NRG3: variants seen among roughly 807,000 people sequenced by gnomAD.
NRG3 encodes the protein pro-neuregulin-3, membrane-bound isoform.
In NRG3, 31 loss-of-function variants were observed where a neutral mutation model predicts 66.9. That is an observed-to-expected ratio of 0.46 (90% CI 0.35 to 0.63). The LOEUF is 0.63. Ranked by LOEUF, NRG3 falls within the 20% of genes least tolerant of loss-of-function variation. NRG3 has a pLI of 0.00. For missense variants in NRG3, 910 were observed against 878.9 expected (o/e 1.04, Z -0.45); for synonymous variants, 393 against 359.4 (o/e 1.09, Z -1.06).
chr10:82,722,371 C>T (rs1045173264), intron 2 of NRG3, among the ~76,000 whole-genome samples: 9 of 151,956 alleles, frequency 5.9e-5, no homozygotes, highest in South Asian at 2.1e-4. Flanking sequence ...TAATATTGAG[C>T]GATTCTTGGT....
chr10:82,664,427 T>C (rs2133985339), intron 2 of NRG3, among the ~76,000 whole-genome samples: 1 of 152,324 alleles, frequency 6.6e-6, no homozygotes, highest in African/African-American at 2.4e-5. Flanking sequence ...AACAATTTGC[T>C]AATGAAGATT....
At chr10:82,687,306 G>A (rs973846257) in intron 2 of NRG3, among the ~76,000 whole-genome samples, 1 of 151,952 alleles carries the variant, frequency 6.6e-6, no homozygotes, top group Non-Finnish European at 1.5e-5. Context: ...GAGTTCATAC[G>A]GCTGCTCCTA....
chr10:82,013,649 A>G (rs768098890), intron 1 of NRG3, among the ~76,000 whole-genome samples: 65 of 152,282 alleles, frequency 4.3e-4, no homozygotes, highest in Admixed American at 1.4e-3. Context: ...GTCAGACTGT[A>G]GATTCCTTTA....
intron 1 of NRG3, among the ~76,000 whole-genome samples, chr10:82,274,230 A>G (rs7096123): frequency 0.29 from 44,575 of 151,896 alleles, 6,660 homozygotes; most frequent in East Asian, 0.37. Context: ...TCTGCAAATG[A>G]ATGTGAAAAA....
intron 1 of NRG3, among the ~76,000 whole-genome samples, chr10:81,974,104 C>A (rs1190435453): frequency 6.6e-6 from 1 of 152,070 alleles, no homozygotes; most frequent in African/African-American, 2.4e-5. Flanking sequence ...TGGAAGGGGT[C>A]CAGTTTTAAT....
intron 2 of NRG3, among the ~76,000 whole-genome samples, chr10:82,375,388 T>C (rs942469032): frequency 6.6e-6 from 1 of 151,818 alleles, no homozygotes; most frequent in African/African-American, 2.4e-5. Context: ...ATACAAAAAA[T>C]TAACCGGGCG....
chr10:82,285,580 G>A (rs1033001273), intron 1 of NRG3, among the ~76,000 whole-genome samples: 10 of 152,168 alleles, frequency 6.6e-5, no homozygotes, highest in Admixed American at 5.9e-4. Flanking sequence ...TAATAGGAAT[G>A]TCCAGAGCAG....
chr10:82,288,915 C>A (rs1442836776), intron 1 of NRG3, among the ~76,000 whole-genome samples: 1 of 152,196 alleles, frequency 6.6e-6, no homozygotes, highest in Admixed American at 6.5e-5. Context: ...CGTTTGGTCA[C>A]TTTAGCATTA....
intron 1 of NRG3, among the ~76,000 whole-genome samples, chr10:81,973,522 C>G (rs2060007354): frequency 1.3e-5 from 2 of 152,170 alleles, no homozygotes; most frequent in African/African-American, 4.8e-5. Flanking sequence ...TACACTCCTA[C>G]CAACAGTGTA....
At chr10:82,668,208 T>A (rs77780769) in intron 2 of NRG3, among the ~76,000 whole-genome samples, 39 of 152,316 alleles carry the variant, frequency 2.6e-4, no homozygotes, top group African/African-American at 8.9e-4. Context: ...GATGAACTTC[T>A]GGCAGAATGT....
chr10:81,954,630 A>G (rs1363427814), intron 1 of NRG3, among the ~76,000 whole-genome samples: 3 of 152,024 alleles, frequency 2.0e-5, no homozygotes, highest in Non-Finnish European at 4.4e-5. Context: ...TAAAATGATC[A>G]TTGTGTACAC....
intron 1 of NRG3, among the ~76,000 whole-genome samples, chr10:82,287,470 G>A (rs981772161): frequency 5.3e-5 from 8 of 151,108 alleles, no homozygotes; most frequent in African/African-American, 1.7e-4. Flanking sequence ...TTTCTTTATA[G>A]CAATGCAAGA....
intron 2 of NRG3, among the ~76,000 whole-genome samples, chr10:82,523,650 A>G (rs1237927630): frequency 6.6e-6 from 1 of 152,078 alleles, no homozygotes; most frequent in African/African-American, 2.4e-5. Flanking sequence ...TATGACTTGC[A>G]AAAGTTTCTC....
intron 2 of NRG3, among the ~76,000 whole-genome samples, chr10:82,535,011 C>G (rs572068813): frequency 4.6e-4 from 70 of 150,878 alleles, no homozygotes; most frequent in African/African-American, 1.7e-3. Flanking sequence ...AAAAATGCAC[C>G]AGGCATGGTG....
chr10:82,628,588 T>C (rs1295582608), intron 2 of NRG3, among the ~76,000 whole-genome samples: 2 of 152,068 alleles, frequency 1.3e-5, no homozygotes, highest in Non-Finnish European at 2.9e-5. Flanking sequence ...AGAGCTCAGA[T>C]GAACCTTGGT....
At chr10:81,903,252 C>T (rs1352001621) in intron 1 of NRG3, among the ~76,000 whole-genome samples, 3 of 152,056 alleles carry the variant, frequency 2.0e-5, no homozygotes, top group Non-Finnish European at 2.9e-5. Flanking sequence ...GCTTCAGGCT[C>T]ATTTTTACCA....
intron 1 of NRG3, among the ~76,000 whole-genome samples, chr10:82,063,811 C>G (rs897949188): frequency 6.6e-6 from 1 of 152,168 alleles, no homozygotes; most frequent in Non-Finnish European, 1.5e-5. Flanking sequence ...GAGAGCAAGT[C>G]CCTCCCACCA....
chr10:82,198,834 T>C (rs2074595176), intron 1 of NRG3, among the ~76,000 whole-genome samples: 1 of 151,826 alleles, frequency 6.6e-6, no homozygotes, highest in Admixed American at 6.6e-5. Flanking sequence ...CCGTCTCTAC[T>C]AAAAATACAA....
chr10:82,555,657 A>T lies in NRG3; in HGVS notation c.954-182920A>T, dbSNP rs1012767396. 3.3e-5 allele frequency among the ~76,000 whole-genome samples: 5 copies of T among 152,142 alleles called. No individual in the cohort carries two copies. In the East Asian group the frequency reaches 7.7e-4, roughly 23 times the overall value. On this transcript the variant is annotated intron_variant, in intron 2 of 8. Transcript: ENST00000372141. ...TTTGCCCTTCTGTTAAAATTAACTCAGTGATCTGCCTTCTACCAATGGCCA... is the reference window on the plus strand; with the variant it reads ...TTTGCCCTTCTGTTAAAATTAACTCTGTGATCTGCCTTCTACCAATGGCCA...
Sources: gnomAD v4.1 joint callset for allele counts (sites outside exome capture counted in the v4.1 genomes callset) on GRCh38, gnomAD v4.1.1 for gene constraint, MANE v1.5 for transcripts, NCBI Gene and HGNC (gene_info 2026-07-23, HGNC 2026-07-21) for gene names.